FAM76B: variants seen among roughly 807,000 people sequenced by gnomAD.
FAM76B encodes the protein protein FAM76B.
Under a neutral mutation model 51.8 loss-of-function variants are expected in FAM76B, and 16 were observed. The observed-to-expected ratio is 0.31, with a 90% CI of 0.21 to 0.47. The LOEUF is 0.47. Ranked by LOEUF, FAM76B falls within the 20% of genes least tolerant of loss-of-function variation. The pLI, the probability that FAM76B is intolerant of heterozygous loss-of-function variation, is 1.00. For synonymous variants in FAM76B, 166 were observed against 129.5 expected, an observed-to-expected ratio of 1.28 and a Z score of -1.91; for missense variants, 342 against 392.6, an observed-to-expected ratio of 0.87 and a Z score of 1.09.
chr11:95,788,348 CCCA>C (rs1470166473), intron 2 of FAM76B, 148 bp downstream of exon 2: 1 of 643,636 alleles, frequency 1.6e-6, no homozygotes, highest in Non-Finnish European at 2.7e-6. Context: ...CATTCTCTCT[CCCA>C]CCATGTATAA....
At chr11:95,779,803 G>A (rs1727627403) in intron 6 of FAM76B, 76 bp downstream of exon 6, 1 of 1,557,066 alleles carries the variant, frequency 6.4e-7, no homozygotes, top group Non-Finnish European at 8.7e-7. Context: ...TAAGACTTAA[G>A]TAACAAAGTT....
chr11:95,788,553 A>T lies in FAM76B; in HGVS notation c.98T>A (p.Ile33Asn). The change falls in exon 2 of 10, where the codon ATT (isoleucine) becomes AAT (asparagine). Residue 33 changes from isoleucine to asparagine, a missense_variant. Transcript: ENST00000358780. ...AGTACATTTTACAATAGGATGTGCA[A>T]TCCGACATTCCTGTAATAAGACAAT... ...QGQQLCKECRIAHPIVKCTYC... is the reference protein window; with the variant it reads ...QGQQLCKECRNAHPIVKCTYC... 6.2e-7 allele frequency: 1 copy of T among 1,612,524 alleles called. No homozygotes were observed. Among genetic ancestry groups the T allele is most frequent in the Non-Finnish European group, 8.5e-7 (1 of 1,179,406 alleles).
At chr11:95,773,654 G>T (rs756522881) in intron 9 of FAM76B, among the ~76,000 whole-genome samples, 4 of 151,178 alleles carry the variant, frequency 2.6e-5, no homozygotes, top group Admixed American at 1.3e-4. Flanking sequence ...TCCACCATCC[G>T]AACTCAAAAT....
At chr11:95,782,261 G>C (rs1860312954) in intron 5 of FAM76B, among the ~76,000 whole-genome samples, 1 of 152,104 alleles carries the variant, frequency 6.6e-6, no homozygotes, top group Non-Finnish European at 1.5e-5. Context: ...ATCAAGTACA[G>C]CTGACCCTTG....
chr11:95,780,293 A>G (rs972923057), intron 5 of FAM76B, among the ~76,000 whole-genome samples: 1 of 151,912 alleles, frequency 6.6e-6, no homozygotes, highest in Admixed American at 6.6e-5. Flanking sequence ...CTTTAAAGTT[A>G]AGGCTTTCCT....
intron 2 of FAM76B, 116 bp from the exon 3 acceptor site, chr11:95,787,794 G>A (rs1860682763): frequency 2.5e-6 from 2 of 809,994 alleles, no homozygotes; most frequent in Admixed American, 2.9e-5. Context: ...TAAGGACCAC[G>A]GATTTTTTTC....
In FAM76B at chr11:95,770,610, G is replaced by A. The variant is rs1859725068; in HGVS notation, c.*951C>T. On this transcript the variant is annotated 3_prime_UTR_variant, in exon 10 of 10. Transcript: ENST00000358780. ...AAGCAACTTAAAATTAAATCTTTGG[G>A]GAACTATTTTGACATAATTAAATGA... 6.6e-6 allele frequency: 1 copy of A among 151,432 alleles called. No homozygotes were observed. Among genetic ancestry groups the A allele is most frequent in the East Asian group, 1.9e-4 (1 of 5,182 alleles). 9.4% of individuals were successfully genotyped at this position (151,432 alleles called of 1,614,324 possible). A position where few individuals can be genotyped will look rare whatever the true frequency, so the allele number is the denominator to read the frequency against.
chr11:95,788,102 G>A (rs1274850845), intron 2 of FAM76B, among the ~76,000 whole-genome samples: 1 of 152,166 alleles, frequency 6.6e-6, no homozygotes, highest in East Asian at 1.9e-4. Context: ...TGTTAAAAAT[G>A]TTACGTACTA....
At chr11:95,772,061 G>GA (rs1439860506) in intron 9 of FAM76B, among the ~76,000 whole-genome samples, 1 of 151,068 alleles carries the variant, frequency 6.6e-6, no homozygotes, top group Admixed American at 6.6e-5. Flanking sequence ...GATTTGGGAG[G>GA]AGTATTTCCT....
At chr11:95,786,967 C>T (rs909109313) in intron 3 of FAM76B, among the ~76,000 whole-genome samples, 5 of 152,048 alleles carry the variant, frequency 3.3e-5, no homozygotes, top group African/African-American at 1.2e-4. Flanking sequence ...TCTTTAATTG[C>T]GCTGTTTTAT....
intron 4 of FAM76B, 122 bp downstream of exon 4, chr11:95,785,997 A>G: frequency 3.3e-6 from 4 of 1,199,936 alleles, no homozygotes; most frequent in Non-Finnish European, 4.6e-6. Context: ...CTTTCATCTA[A>G]CTACTTGCTT....
intron 3 of FAM76B, among the ~76,000 whole-genome samples, chr11:95,787,071 T>G (rs774455475): frequency 9.9e-5 from 15 of 152,222 alleles, no homozygotes; most frequent in Non-Finnish European, 2.2e-4. Context: ...ATTTGCTATA[T>G]TTGAATCTCT....
At chr11:95,786,901 GTATACA>G (rs1233990050) in intron 3 of FAM76B, 1 of 152,230 alleles carries the variant, frequency 6.6e-6, no homozygotes, top group African/African-American at 2.4e-5. Flanking sequence ...AATGATTGTA[GTATACA>G]TATAAGACAA....
chr11:95,778,026 C>G (rs1398049506), intron 8 of FAM76B, among the ~76,000 whole-genome samples: 3 of 151,378 alleles, frequency 2.0e-5, no homozygotes, highest in African/African-American at 7.3e-5. Context: ...AAAACCATCA[C>G]TTCAGATAAT....
intron 9 of FAM76B, among the ~76,000 whole-genome samples, chr11:95,774,146 T>C (rs1469872087): frequency 1.3e-5 from 2 of 151,204 alleles, no homozygotes; most frequent in African/African-American, 4.8e-5. Flanking sequence ...CTGAGGAACC[T>C]GAAGTGGTGG....
At position 95,789,557 on chromosome 11, in the gene FAM76B, C is replaced by T. The variant is rs527351384; in HGVS notation, c.-79G>A. The T allele has an allele frequency of 1.1e-5, 14 of 1,320,776 alleles. No individual in the cohort carries two copies. The highest frequency in any genetic ancestry group is 1.5e-5 in the Non-Finnish European group (14 of 963,376). 81.8% of individuals were successfully genotyped at this position (1,320,776 alleles called of 1,614,324 possible). ...GGAGAACCCGAGAGCCGCCGCCGCC[C>T]GGGCCGCGGGCTCCTCCTCCTCCCC... On this transcript the variant is annotated 5_prime_UTR_variant, in exon 1 of 10. Transcript: ENST00000358780.
Position 95,771,470 on chromosome 11 carries a change from T to G in FAM76B, c.*91A>C. The stretch of plus-strand genomic sequence containing the variant: ...CACCAATTCATTTGGTGTGCAAAAA[T>G]ATTTTTCTACTACACAGAATTTAAG... On this transcript the variant is annotated 3_prime_UTR_variant, in exon 10 of 10. Coordinates refer to ENST00000358780, the MANE Select transcript of FAM76B (RefSeq NM_144664.5). The G allele has an allele frequency of 1.1e-6, 1 of 925,974 alleles. No individual in the cohort carries two copies. The highest frequency in any genetic ancestry group is 1.6e-6 in the Non-Finnish European group (1 of 610,542). The allele number at this position is 925,974 out of a possible 1,614,324, so 57.4% of individuals were successfully genotyped here. A position where few individuals can be genotyped will look rare whatever the true frequency, so the allele number is the denominator to read the frequency against.
chr11:95,774,262 A>AT (rs1278259959), intron 9 of FAM76B, among the ~76,000 whole-genome samples: 5 of 151,408 alleles, frequency 3.3e-5, no homozygotes, highest in African/African-American at 4.8e-5. Context: ...TAAAATGGGC[A>AT]TATCACATAA....
chr11:95,783,400 A>T (rs936592285), intron 4 of FAM76B, 136 bp from the exon 5 acceptor site: 3 of 638,092 alleles, frequency 4.7e-6, no homozygotes, highest in African/African-American at 1.8e-5. Flanking sequence ...ATATTCACGG[A>T]TTTTCTGCAA....
Sources: gnomAD v4.1 joint callset for allele counts (sites outside exome capture counted in the v4.1 genomes callset) on GRCh38, gnomAD v4.1.1 for gene constraint, MANE v1.5 for transcripts, NCBI Gene and HGNC (gene_info 2026-07-23, HGNC 2026-07-21) for gene names.